The following MGAM variants were observed in gnomAD, a reference collection of about 807,000 sequenced individuals.
MGAM encodes the protein alpha-1,4-glucosidase.
Under a neutral mutation model 358.8 loss-of-function variants are expected in MGAM, and 253 were observed. The observed-to-expected ratio is 0.71, with a 90% CI of 0.64 to 0.78. The LOEUF is 0.78. MGAM is among the 30% of genes least tolerant of loss of function. The pLI is 0.00. For synonymous variants in MGAM, 1,105 were observed against 1,227.1 expected (o/e 0.90, Z 2.08); for missense variants, 3,080 against 3,432.6 (o/e 0.90, Z 2.57).
Position 142,097,331 on chromosome 7 carries a change from A to G in MGAM, c.7693-262A>G, listed in dbSNP as rs113791002. Among the ~76,000 whole-genome samples the G allele has an allele frequency of 2.9e-4, 33 of 114,884 alleles. 1 individual carries two copies. Among genetic ancestry groups the G allele is most frequent in the African/African-American group, 1.5e-4 (5 of 33,026 alleles). 75.4% of individuals were successfully genotyped at this position (114,884 alleles called of 152,430 possible). On this transcript the variant is annotated intron_variant, in intron 65 of 70. Transcript: ENST00000475668. ...GAGGGAATGGCGTAAGCCTATTTCT[A>G]TAAGCAAATAGTGAATTTTTTTTTT...
Position 142,080,907 on chromosome 7 carries a change from T to A in MGAM, c.5964T>A (p.Phe1988Leu). Residue 1988 changes from phenylalanine to leucine, a missense_variant, in exon 50 of 71, where the codon TTT becomes TTA. Transcript: ENST00000475668. ...ATGTCCTCATTAAGAAGAATCCATT[T>A]GGGATTGAAATTCGCCGGAAGAGTA... ...LYDVLIKKNP[F>L]GIEIRRKSTG... is the part of the protein sequence containing the mutation. The A allele has an allele frequency of 1.3e-6, 2 of 1,556,294 alleles. No homozygotes were observed. The highest frequency in any genetic ancestry group is 1.8e-6 in the Non-Finnish European group (2 of 1,132,488).
chr7:142,021,592 G>A lies in MGAM; in HGVS notation c.565G>A (p.Asp189Asn), dbSNP rs577101147. The A allele has an allele frequency of 1.1e-5, 17 of 1,613,750 alleles. No individual in the cohort carries two copies. The East Asian group carries it at 1.6e-4, about 15-fold the overall frequency. The change falls in exon 6 of 71, where the codon GAC becomes AAC. Residue 189 changes from aspartate (D) to asparagine (N), a missense_variant. Around this residue, in one of 5 missense-constraint regions of MGAM, gnomAD observed 1,816 missense variants for 1,840.5 expected, o/e 0.99. Coordinates refer to ENST00000475668, the MANE Select transcript of MGAM (RefSeq NM_001365693.1). ...TATTTCTATCTCTGCACAGTTGACT[G>A]ACCAAACCAATAACAGGTTTGAAGT... is the stretch of plus-strand genomic sequence containing the variant. ...TSNRFHFKLT[D>N]QTNNRFEVPH...
At chr7:142,041,413 T>C (rs763721589) in intron 21 of MGAM, among the ~76,000 whole-genome samples, 17 of 152,098 alleles carry the variant, frequency 1.1e-4, no homozygotes, top group Non-Finnish European at 2.4e-4. Context: ...GTTGTAGACT[T>C]TTTATGATAC....
chr7:142,036,981 A>C lies in MGAM; in HGVS notation c.2231+4A>C, dbSNP rs185710933. On this transcript the variant is annotated splice_donor_region_variant and intron_variant, in intron 18 of 70. Coordinates refer to ENST00000475668, the MANE Select transcript of MGAM (RefSeq NM_001365693.1). Reference sequence around the variant, plus strand: ...TGGCCAGGCCCCTTTTGCATGAGTAAGTTCACCTAACCTCCTTAAATTTTA... The same window carrying C: ...TGGCCAGGCCCCTTTTGCATGAGTACGTTCACCTAACCTCCTTAAATTTTA... 1 of 1,612,208 alleles carries C rather than the reference A, an allele frequency of 6.2e-7. No homozygotes were observed. The highest frequency in any genetic ancestry group is 1.7e-5 in the Admixed American group (1 of 59,710).
chr7:142,093,210 T>A (rs1815562773), intron 59 of MGAM, among the ~76,000 whole-genome samples: 1 of 146,540 alleles, frequency 6.8e-6, no homozygotes, highest in Non-Finnish European at 1.5e-5. Context: ...TCTGCTTTCT[T>A]CAGTGAACTT....
Position 142,102,768 on chromosome 7 carries a change from T to A in MGAM, c.8013+89T>A, listed in dbSNP as rs561431963. The A allele has an allele frequency of 4.9e-6, 6 of 1,233,558 alleles. No individual in the cohort carries two copies. In the African/African-American group the frequency reaches 7.5e-5, roughly 15 times the overall value. The allele number at this position is 1,233,558 out of a possible 1,614,324, so 76.4% of individuals were successfully genotyped here. A position where few individuals can be genotyped will look rare whatever the true frequency, so the allele number is the denominator to read the frequency against. On this transcript the variant is annotated intron_variant, in intron 69 of 70. Coordinates refer to ENST00000475668, the MANE Select transcript of MGAM (RefSeq NM_001365693.1). ...TAAGGGCATAAAATACCACCTAGAATTTCTTCATTGCTCATCTTGCTAATT... is the reference window on the plus strand; with the variant it reads ...TAAGGGCATAAAATACCACCTAGAAATTCTTCATTGCTCATCTTGCTAATT...
chr7:141,986,863 T>A (rs568077047), intron 2 of MGAM, among the ~76,000 whole-genome samples: 3 of 152,214 alleles, frequency 2.0e-5, no homozygotes, highest in South Asian at 4.1e-4. Context: ...TACCCTCATC[T>A]AAAAAAATAG....
chr7:142,072,648 G>A (rs543491752), intron 44 of MGAM, among the ~76,000 whole-genome samples: 1 of 146,096 alleles, frequency 6.8e-6, no homozygotes, highest in South Asian at 2.2e-4. Context: ...TGTGTGCTTG[G>A]TGATTTTTTG....
intron 57 of MGAM, among the ~76,000 whole-genome samples, chr7:142,091,250 C>CA (rs34993763): frequency 0.28 from 24,060 of 86,592 alleles, 3,820 homozygotes; most frequent in South Asian, 0.41. Flanking sequence ...GACTCTGTCT[C>CA]AAAAAAAAAA....
chr7:142,034,920 C>G, intron 16 of MGAM, 79 bp downstream of exon 16: 2 of 1,365,812 alleles, frequency 1.5e-6, no homozygotes, highest in Non-Finnish European at 2.0e-6. Context: ...AACCACAAAG[C>G]TCCCCTCTCC....
chr7:142,013,133 T>C (rs1183922202), intron 3 of MGAM, among the ~76,000 whole-genome samples: 2 of 152,082 alleles, frequency 1.3e-5, no homozygotes, highest in African/African-American at 2.4e-5. Flanking sequence ...CTTATTTTTT[T>C]TTTCAGAGTA....
At chr7:142,097,550 GA>G in intron 65 of MGAM, 42 bp from the exon 66 acceptor site, 1 of 1,580,178 alleles carries the variant, frequency 6.3e-7, no homozygotes, top group Non-Finnish European at 8.7e-7. Flanking sequence ...CTCTGTCCTG[GA>G]AAATGGTGCC....
chr7:142,076,571 C>A, intron 46 of MGAM, 88 bp from the exon 47 acceptor site: 4 of 1,192,012 alleles, frequency 3.4e-6, no homozygotes, highest in Non-Finnish European at 4.8e-6. Context: ...TGGGGGGTAT[C>A]CAGTCTGGAA....
rs754559304 is a variant in MGAM, at chr7:142,105,935, C to T, written c.*44C>T. The T allele has an allele frequency of 1.0e-5, 14 of 1,380,792 alleles. No individual in the cohort carries two copies. The highest frequency in any genetic ancestry group is 1.7e-5 in the Admixed American group (1 of 59,318). The allele number at this position is 1,380,792 out of a possible 1,614,324, so 85.5% of individuals were successfully genotyped here. A position where few individuals can be genotyped will look rare whatever the true frequency, so the allele number is the denominator to read the frequency against. On this transcript the variant is annotated 3_prime_UTR_variant, in exon 71 of 71. Coordinates refer to ENST00000475668, the MANE Select transcript of MGAM (RefSeq NM_001365693.1). The stretch of plus-strand genomic sequence containing the variant: ...TAACTAACTATGAATGACTTTGAAA[C>T]TACTTATACTTCATACTCATAAAAA...
chr7:142,103,338 A>G lies in MGAM; in HGVS notation c.8083A>G (p.Ile2695Val), dbSNP rs1311599602. 7 of 1,613,144 alleles carry G rather than the reference A, an allele frequency of 4.3e-6. No individual in the cohort carries two copies. The East Asian group carries it at 8.9e-5, about 21-fold the overall frequency. Residue 2695 changes from isoleucine to valine, a missense_variant, in exon 70 of 71, where the codon ATT becomes GTT. Transcript: ENST00000475668. ...TGTNPLKLGYIEIWGVGSVPV... is the reference protein window; with the variant it reads ...TGTNPLKLGYVEIWGVGSVPV... ...TACAAATCCTTTGAAACTGGGCTAC[A>G]TTGAAATCTGGGGAGTGGGCAGTGT... is the stretch of plus-strand genomic sequence containing the variant.
chr7:142,068,718 A>G lies in MGAM; in HGVS notation c.5061+15A>G, dbSNP rs768866088. 5 of 1,481,216 alleles carry G rather than the reference A, an allele frequency of 3.4e-6. No homozygotes were observed. Among genetic ancestry groups the G allele is most frequent in the African/African-American group, 1.4e-5 (1 of 73,752 alleles). 91.8% of individuals were successfully genotyped at this position (1,481,216 alleles called of 1,614,324 possible). On this transcript the variant is annotated intron_variant, in intron 43 of 70. Transcript: ENST00000475668. ...ATTACTACACGGTAAGTTTTTCTGA[A>G]TGTTTATATAACACGGGAATGTGGT...
At position 142,043,604 on chromosome 7, in the gene MGAM, A is replaced by G. The variant is rs185055419; in HGVS notation, c.2498+2758A>G. 3.4e-4 allele frequency among the ~76,000 whole-genome samples: 22 copies of G among 65,654 alleles called. 3 individuals are homozygous for G. In the East Asian group the frequency reaches 5.1e-3, roughly 15 times the overall value. 43.1% of individuals were successfully genotyped at this position (65,654 alleles called of 152,430 possible). The stretch of plus-strand genomic sequence containing the variant: ...ATCTAAATATATAATATATACATAT[A>G]ATATCTAATATATAATACATATATT... On this transcript the variant is annotated intron_variant, in intron 21 of 70. Coordinates refer to ENST00000475668, the MANE Select transcript of MGAM (RefSeq NM_001365693.1).
At chr7:142,101,393 A>G (rs1816431549) in intron 68 of MGAM, among the ~76,000 whole-genome samples, 2 of 151,382 alleles carry the variant, frequency 1.3e-5, no homozygotes, top group African/African-American at 2.4e-5. Flanking sequence ...ACAATGTTCT[A>G]TATCTTCTGC....
upstream of MGAM, among the ~76,000 whole-genome samples, chr7:141,991,637 A>G (rs1333806375): frequency 1.3e-5 from 2 of 151,944 alleles, no homozygotes; most frequent in African/African-American, 2.4e-5. Context: ...GGGTTTCACT[A>G]TGTTGGTCAG....
Sources: allele counts gnomAD v4.1 joint callset (sites outside exome capture counted in the v4.1 genomes callset), GRCh38; gene constraint gnomAD v4.1.1; regional missense constraint gnomAD v4.1.1; transcripts MANE v1.5; gene names NCBI Gene and HGNC (gene_info 2026-07-23, HGNC 2026-07-21).